Variants in BPIFB1 observed in about 807,000 individuals in gnomAD.
BPIFB1 encodes BPI fold-containing family B member 1.
Under a neutral mutation model 55.1 loss-of-function variants are expected in BPIFB1, and 34 were observed. The observed-to-expected ratio is 0.62, with a 90% CI of 0.47 to 0.82. BPIFB1 has a LOEUF of 0.82. Ranked by LOEUF, BPIFB1 falls within the 40% of genes least tolerant of loss-of-function variation. The pLI is 0.00. For missense variants in BPIFB1, 532 were observed against 593.1 expected (o/e 0.90, Z 1.07); for synonymous variants, 236 against 245.3 (o/e 0.96, Z 0.35).
At chr20:33,297,220 C>G (rs1980681100) in intron 6 of BPIFB1, among the ~76,000 whole-genome samples, 1 of 152,250 alleles carries the variant, frequency 6.6e-6, no homozygotes, top group Admixed American at 6.5e-5. Context: ...TGCGCCCAGC[C>G]TCCATTTCAC....
At chr20:33,289,496 A>T (rs1439377101) in intron 3 of BPIFB1, among the ~76,000 whole-genome samples, 1 of 152,152 alleles carries the variant, frequency 6.6e-6, no homozygotes, top group Non-Finnish European at 1.5e-5. Flanking sequence ...CGATGACTCA[A>T]TGCTCACCAG....
chr20:33,290,640 C>A (rs1271543636), intron 4 of BPIFB1, among the ~76,000 whole-genome samples: 4 of 152,172 alleles, frequency 2.6e-5, no homozygotes, highest in Admixed American at 6.5e-5. Flanking sequence ...CCAAGACAGG[C>A]AAGGCCATGA....
At chr20:33,288,643 G>C in intron 2 of BPIFB1, 98 bp from the exon 3 acceptor site, 1 of 1,444,504 alleles carries the variant, frequency 6.9e-7, no homozygotes, top group Non-Finnish European at 9.5e-7. Context: ...CCTTACCTCA[G>C]GGAGCCTCGA....
chr20:33,288,766 C>T lies in BPIFB1; in HGVS notation c.141C>T (p.His47=), dbSNP rs763939076. 13 of 1,613,880 alleles carry T rather than the reference C, an allele frequency of 8.1e-6. No homozygotes were observed. The Middle Eastern group carries it at 4.9e-4, about 61-fold the overall frequency. ...AGCTGACACAGGAGCTGAAGGACCACAACGCCACCAGCATCCTGCAGCAGC... is the reference window on the plus strand; with the variant it reads ...AGCTGACACAGGAGCTGAAGGACCATAACGCCACCAGCATCCTGCAGCAGC... ...KEKLTQELKD[H]NATSILQQLP... is the part of the protein sequence containing the mutation. The change falls in exon 3 of 16, where the codon CAC becomes CAT. Residue 47 remains histidine, a synonymous_variant. Coordinates refer to ENST00000253354, the MANE Select transcript of BPIFB1 (RefSeq NM_033197.3).
chr20:33,304,744 G>A (rs1388765562), intron 12 of BPIFB1, 102 bp from the exon 13 acceptor site: 3 of 1,451,242 alleles, frequency 2.1e-6, no homozygotes, highest in East Asian at 2.3e-5. Context: ...AGCCCGCACT[G>A]TGCCTGGCAC....
chr20:33,297,648 T>C (rs1025160668), intron 7 of BPIFB1, 60 bp downstream of exon 7: 21 of 1,581,112 alleles, frequency 1.3e-5, no homozygotes, highest in Non-Finnish European at 1.8e-5. Flanking sequence ...CTCCAGACCC[T>C]GACTCCACCA....
In BPIFB1 at chr20:33,309,156, C is replaced by T. The variant is rs1897741736; in HGVS notation, c.1396-552C>T. On this transcript the variant is annotated intron_variant, in intron 15 of 15. Transcript: ENST00000253354. This position sits in a 1 kb window ranked among gnomAD's most constrained non-coding sequence, Gnocchi z 4.4. Reference sequence around the variant, plus strand: ...GGGGAGAGGATCTATGGCAGTGTCACCCTCGCTCCCAAATACTACCCTTAA... The same window carrying T: ...GGGGAGAGGATCTATGGCAGTGTCATCCTCGCTCCCAAATACTACCCTTAA... Among the ~76,000 whole-genome samples, 1 of 152,116 alleles carries T rather than the reference C, an allele frequency of 6.6e-6. No individual in the cohort carries two copies. The highest frequency in any genetic ancestry group is 1.5e-5 in the Non-Finnish European group (1 of 68,034).
chr20:33,298,348 G>T (rs1363319321), intron 7 of BPIFB1, among the ~76,000 whole-genome samples: 1 of 152,210 alleles, frequency 6.6e-6, no homozygotes, highest in Non-Finnish European at 1.5e-5. Flanking sequence ...AGATACGGGA[G>T]GGCACAGGCT....
chr20:33,298,991 T>TTTTTTTGG (rs1980751316), intron 7 of BPIFB1: 4 of 299,340 alleles, frequency 1.3e-5, no homozygotes, highest in African/African-American at 6.7e-5. Flanking sequence ...TTTTTTTTTT[T>TTTTTTTGG]GGAGACGGAC....
chr20:33,309,285 C>A lies in BPIFB1; in HGVS notation c.1396-423C>A, dbSNP rs993368640. ...GGCAGGGGTTTCTGTCTGCTTTGTT[C>A]TCTGTTGTGATCAGTGGCTGCACAC... On this transcript the variant is annotated intron_variant, in intron 15 of 15. Coordinates refer to ENST00000253354, the MANE Select transcript of BPIFB1 (RefSeq NM_033197.3). This position sits in a 1 kb window ranked among gnomAD's most constrained non-coding sequence, Gnocchi z 4.4. Among the ~76,000 whole-genome samples the A allele has an allele frequency of 6.6e-6, 1 of 152,174 alleles. No individual in the cohort carries two copies. The highest frequency in any genetic ancestry group is 2.4e-5 in the African/African-American group (1 of 41,436).
intron 13 of BPIFB1, among the ~76,000 whole-genome samples, chr20:33,305,608 T>G (rs1050935479): frequency 6.6e-6 from 1 of 152,124 alleles, no homozygotes; most frequent in Non-Finnish European, 1.5e-5. Flanking sequence ...TGAGCCACCA[T>G]GCCCGGTGAC....
chr20:33,303,914 G>A (rs993575722), intron 11 of BPIFB1, 44 bp from the exon 12 acceptor site: 22 of 1,602,978 alleles, frequency 1.4e-5, no homozygotes, highest in Non-Finnish European at 1.7e-5. Context: ...TTCCACACTC[G>A]GATCCTCTTG....
intron 7 of BPIFB1, chr20:33,299,287 G>A (rs559216397): frequency 4.9e-6 from 2 of 411,024 alleles, no homozygotes; most frequent in Non-Finnish European, 1.0e-5. Context: ...ACCGGGGCAG[G>A]TGACACACCA....
At chr20:33,308,829 TACAC>T (rs750641578) in intron 15 of BPIFB1, among the ~76,000 whole-genome samples, 3 of 117,208 alleles carry the variant, frequency 2.6e-5, no homozygotes, top group African/African-American at 6.7e-5. Context: ...CACACACACA[TACAC>T]ACACACATAA....
At chr20:33,306,672 G>C (rs1244773548) in intron 14 of BPIFB1, 6 of 536,746 alleles carry the variant, frequency 1.1e-5, no homozygotes, top group South Asian at 4.8e-5. Flanking sequence ...TCTTGAGCAA[G>C]AGCGTAAGAG....
At chr20:33,305,563 C>T (rs1278386008) in intron 13 of BPIFB1, among the ~76,000 whole-genome samples, 4 of 152,046 alleles carry the variant, frequency 2.6e-5, no homozygotes, top group East Asian at 1.9e-4. Context: ...ATGATCTGCC[C>T]GCCTTGGCCT....
chr20:33,301,045 A>G (rs1279532651), intron 8 of BPIFB1, among the ~76,000 whole-genome samples, 188 bp from the exon 9 acceptor site: 2 of 152,234 alleles, frequency 1.3e-5, no homozygotes, highest in Non-Finnish European at 2.9e-5. Context: ...ACAAAAAATA[A>G]AAGTCAGAGA....
At chr20:33,301,857 GC>G (rs1291979867) in intron 9 of BPIFB1, among the ~76,000 whole-genome samples, 2 of 152,104 alleles carry the variant, frequency 1.3e-5, no homozygotes, top group Non-Finnish European at 2.9e-5. Context: ...TATTAACAGG[GC>G]ACAGCCGATA....
chr20:33,300,127 A>T, intron 8 of BPIFB1, 143 bp downstream of exon 8: 1 of 717,866 alleles, frequency 1.4e-6, no homozygotes, highest in Middle Eastern at 2.8e-4. Flanking sequence ...AAATCACTGC[A>T]GGCTGAATAT....
Sources: allele counts gnomAD v4.1 joint callset (sites outside exome capture counted in the v4.1 genomes callset), GRCh38; gene constraint gnomAD v4.1.1; non-coding constraint Gnocchi (gnomAD v3.1); transcripts MANE v1.5; gene names NCBI Gene and HGNC (gene_info 2026-07-23, HGNC 2026-07-21).